Variants in SERPING1 observed in about 807,000 individuals in gnomAD.
SERPING1 encodes plasma protease C1 inhibitor.
SERPING1 carries 5 observed loss-of-function variants against 34.1 expected under a neutral mutation model. That is an observed-to-expected ratio of 0.15 (90% CI 0.08 to 0.31). The LOEUF is 0.31. Ranked by LOEUF, SERPING1 falls within the 10% of genes least tolerant of loss-of-function variation. The pLI is 1.00. For missense variants in SERPING1, 505 were observed against 609.5 expected, an observed-to-expected ratio of 0.83 and a Z score of 1.81; for synonymous variants, 225 against 242.4, an observed-to-expected ratio of 0.93 and a Z score of 0.67.
intron 3 of SERPING1, among the ~76,000 whole-genome samples, chr11:57,600,584 ACT>A (rs1407820089): frequency 6.6e-6 from 1 of 151,956 alleles, no homozygotes; most frequent in African/African-American, 2.4e-5. Context: ...TGCTTGTAAA[ACT>A]CTGTGACTAT....
rs3824988 is a variant in SERPING1, at chr11:57,610,495, A to G, written c.1030-1222A>G. 0.21 allele frequency among the ~76,000 whole-genome samples: 32,234 copies of G among 152,194 alleles called. 3,917 individuals carry two copies. Among genetic ancestry groups the G allele is most frequent in the Non-Finnish European group, 0.27 (18,614 of 67,980 alleles). On this transcript the variant is annotated intron_variant, in intron 6 of 7. Coordinates refer to ENST00000278407, the MANE Select transcript of SERPING1 (RefSeq NM_000062.3). Reference sequence around the variant, plus strand: ...TCTTTTCAGTCGAAATTGGCTTACTATCTACTTCTTCTGGGCTATTCAGGT... The same window carrying G: ...TCTTTTCAGTCGAAATTGGCTTACTGTCTACTTCTTCTGGGCTATTCAGGT...
chr11:57,599,956 G>A lies in SERPING1; in HGVS notation c.129G>A (p.Gly43=), dbSNP rs149573972. 274 of 1,614,164 alleles carry A rather than the reference G, an allele frequency of 1.7e-4. No homozygotes were observed. The African/African-American group carries it at 3.2e-3, about 19-fold the overall frequency. ...AGAGTTTGCAAGACAGAGGCGAAGG[G>A]AAGGTCGCAACAACAGTTATCTCCA... ...DPESLQDRGE[G]KVATTVISKM... The change falls in exon 3 of 8, where the codon GGG becomes GGA. Residue 43 remains glycine, a synonymous_variant. Coordinates refer to ENST00000278407, the MANE Select transcript of SERPING1 (RefSeq NM_000062.3).
At chr11:57,599,792 T>G (rs899608849) in intron 2 of SERPING1, 87 bp from the exon 3 acceptor site, 1 of 1,590,728 alleles carries the variant, frequency 6.3e-7, no homozygotes, top group African/African-American at 1.3e-5. Flanking sequence ...ATTTTCCACA[T>G]CCACACCTTC....
chr11:57,598,037 A>C (rs28362942), intron 1 of SERPING1: 6 of 550,248 alleles, frequency 1.1e-5, no homozygotes, highest in Non-Finnish European at 2.0e-5. Context: ...CCACGGGGAG[A>C]GGAAGGGCCA....
intron 6 of SERPING1, among the ~76,000 whole-genome samples, chr11:57,609,888 T>C (rs573478820): frequency 1.6e-4 from 24 of 152,320 alleles, no homozygotes; most frequent in African/African-American, 4.8e-4. Flanking sequence ...CACCCTAGCC[T>C]CTTAAGTAGC....
Position 57,614,616 on chromosome 11 carries a change from CT to C in SERPING1, c.*36del. The C allele has an allele frequency of 6.2e-7, 1 of 1,605,614 alleles. No individual in the cohort carries two copies. The stretch of plus-strand genomic sequence containing the variant: ...GATCAGGTTAGGGCGAGCGCTACCT[CT>C]CCAGCCTCAGCTCTCAGTTGCAGCC... On this transcript the variant is annotated 3_prime_UTR_variant, in exon 8 of 8. Transcript: ENST00000278407.
chr11:57,606,600 C>T, intron 6 of SERPING1, 53 bp downstream of exon 6: 1 of 1,594,934 alleles, frequency 6.3e-7, no homozygotes. Context: ...AGTCTCCTGA[C>T]TTTTTTTCTG....
At chr11:57,609,243 A>T (rs564656414) in intron 6 of SERPING1, among the ~76,000 whole-genome samples, 6 of 152,070 alleles carry the variant, frequency 3.9e-5, no homozygotes, top group Admixed American at 6.6e-5. Flanking sequence ...GCGCCACTGC[A>T]CTCCAACCTG....
At chr11:57,612,332 T>C (rs1197981975) in intron 7 of SERPING1, among the ~76,000 whole-genome samples, 2 of 151,946 alleles carry the variant, frequency 1.3e-5, no homozygotes, top group Non-Finnish European at 2.9e-5. Context: ...CCGTGGAATA[T>C]GCAAGAAGCT....
In SERPING1 at chr11:57,614,433, C is replaced by A. The variant is rs1945514422; in HGVS notation, c.1355C>A (p.Thr452Asn). 3 of 1,614,160 alleles carry A rather than the reference C, an allele frequency of 1.9e-6. No individual in the cohort carries two copies. Among genetic ancestry groups the A allele is most frequent in the Non-Finnish European group, 1.7e-6 (2 of 1,180,036 alleles). Residue 452 changes from threonine (T) to asparagine (N), a missense_variant, in exon 8 of 8, where the codon ACT (threonine) becomes AAT (asparagine). Physicochemically the swap from Thr to Asn is moderately conservative, Grantham distance 65. Coordinates refer to ENST00000278407, the MANE Select transcript of SERPING1 (RefSeq NM_000062.3). ...QHQTVLELTE[T>N]GVEAAAASAI... ...CAGACAGTGCTGGAACTGACAGAGACTGGGGTGGAGGCGGCTGCAGCCTCC... is the reference window on the plus strand; with the variant it reads ...CAGACAGTGCTGGAACTGACAGAGAATGGGGTGGAGGCGGCTGCAGCCTCC...
intron 3 of SERPING1, among the ~76,000 whole-genome samples, chr11:57,600,677 G>A (rs183624221): frequency 3.3e-5 from 5 of 152,296 alleles, no homozygotes; most frequent in Admixed American, 1.3e-4. Flanking sequence ...GAAATTAGGC[G>A]CAGTGGCTCA....
At chr11:57,608,776 G>C (rs542157961) in intron 6 of SERPING1, among the ~76,000 whole-genome samples, 5 of 150,254 alleles carry the variant, frequency 3.3e-5, no homozygotes, top group Admixed American at 2.6e-4. Context: ...GCCTCCTAAA[G>C]TGCTGGCATT....
At chr11:57,612,470 G>A (rs533912607) in intron 7 of SERPING1, among the ~76,000 whole-genome samples, 6 of 148,120 alleles carry the variant, frequency 4.1e-5, no homozygotes, top group South Asian at 4.3e-4. Flanking sequence ...GTGCAGTGGT[G>A]CGATCTCTGC....
Position 57,602,093 on chromosome 11 carries a change from C to G in SERPING1, c.609C>G (p.Phe203Leu). The G allele has an allele frequency of 6.2e-7, 1 of 1,614,182 alleles. No homozygotes were observed. Among genetic ancestry groups the G allele is most frequent in the Non-Finnish European group, 8.5e-7 (1 of 1,180,032 alleles). ...LESILSYPKD[F>L]TCVHQALKGF... Reference sequence around the variant, plus strand: ...GCATCCTCTCTTACCCCAAGGACTTCACCTGTGTCCACCAGGCCCTGAAGG... The same window carrying G: ...GCATCCTCTCTTACCCCAAGGACTTGACCTGTGTCCACCAGGCCCTGAAGG... Residue 203 changes from phenylalanine (F) to leucine (L), a missense_variant, in exon 4 of 8, where the codon TTC becomes TTG. Phe to Leu is a conservative substitution (Grantham distance 22). Coordinates refer to ENST00000278407, the MANE Select transcript of SERPING1 (RefSeq NM_000062.3).
At chr11:57,605,088 C>T (rs1289960863) in intron 4 of SERPING1, among the ~76,000 whole-genome samples, 1 of 152,058 alleles carries the variant, frequency 6.6e-6, no homozygotes, top group Non-Finnish European at 1.5e-5. Context: ...GTGGGAAAAA[C>T]ATGGCTCAGA....
chr11:57,603,271 C>T (rs1243939058), intron 4 of SERPING1, among the ~76,000 whole-genome samples: 1 of 151,026 alleles, frequency 6.6e-6, no homozygotes, highest in Non-Finnish European at 1.5e-5. Context: ...AGGCCAGGCG[C>T]GGTGACTCAC....
chr11:57,601,227 C>T (rs1945344564), intron 3 of SERPING1, among the ~76,000 whole-genome samples: 1 of 151,734 alleles, frequency 6.6e-6, no homozygotes, highest in Admixed American at 6.6e-5. Context: ...GGTGAAACCC[C>T]GTCTCTACTA....
At chr11:57,613,913 C>T (rs181541168) in intron 7 of SERPING1, among the ~76,000 whole-genome samples, 1 of 152,096 alleles carries the variant, frequency 6.6e-6, no homozygotes, top group Admixed American at 6.6e-5. Flanking sequence ...GATCGGAGAC[C>T]AAATATTAGA....
In SERPING1 at chr11:57,614,627, GCT is replaced by G. The variant is rs1565174192; in HGVS notation, c.*50_*51del. On this transcript the variant is annotated 3_prime_UTR_variant, in exon 8 of 8. Coordinates refer to ENST00000278407, the MANE Select transcript of SERPING1 (RefSeq NM_000062.3). Reference sequence around the variant, plus strand: ...GGCGAGCGCTACCTCTCCAGCCTCAGCTCTCAGTTGCAGCCCTGCTGCTGCCT... The same window carrying G: ...GGCGAGCGCTACCTCTCCAGCCTCAGCTCAGTTGCAGCCCTGCTGCTGCCT... 1.3e-6 allele frequency: 2 copies of G among 1,598,104 alleles called. No individual in the cohort carries two copies. The highest frequency in any genetic ancestry group is 3.4e-5 in the Admixed American group (2 of 58,954).
Sources: allele counts gnomAD v4.1 joint callset (sites outside exome capture counted in the v4.1 genomes callset), GRCh38; gene constraint gnomAD v4.1.1; transcripts MANE v1.5; gene names NCBI Gene and HGNC (gene_info 2026-07-23, HGNC 2026-07-21).